TXNRD1: variants seen among roughly 807,000 people sequenced by gnomAD.
The protein encoded by TXNRD1 is thioredoxin reductase 1.
In TXNRD1, 57 loss-of-function variants were observed where a neutral mutation model predicts 80.3. That is an observed-to-expected ratio of 0.71 (90% confidence interval 0.57 to 0.89). The LOEUF (loss-of-function observed/expected upper bound fraction) is 0.89, where lower values mean the gene tolerates loss of function less well. Among genes scored for constraint, TXNRD1 ranks in the 40% least tolerant of loss-of-function variants. TXNRD1 has a pLI of 0.00. For missense variants in TXNRD1, 730 were observed against 803.0 expected (o/e 0.91, Z 1.10); for synonymous variants, 291 against 285.2 (o/e 1.02, Z -0.20).
intron 4 of TXNRD1, among the ~76,000 whole-genome samples, chr12:104,289,987 T>C (rs2034122128): frequency 6.6e-6 from 1 of 152,226 alleles, no homozygotes; most frequent in Non-Finnish European, 1.5e-5. Flanking sequence ...ACCTGGGTGA[T>C]GTTCTATCTC....
At chr12:104,304,387 G>A in intron 4 of TXNRD1, 2 of 1,614,020 alleles carry the variant, frequency 1.2e-6, no homozygotes, top group Non-Finnish European at 1.7e-6. Flanking sequence ...TTTCCTTCTG[G>A]AAGGCAATAG....
intron 3 of TXNRD1, chr12:104,280,531 G>A (rs901572064): frequency 6.6e-6 from 1 of 152,178 alleles, no homozygotes; most frequent in Admixed American, 6.5e-5. Flanking sequence ...TGGAGTGACA[G>A]TTAATTTTAT....
intron 16 of TXNRD1, among the ~76,000 whole-genome samples, chr12:104,348,141 A>T (rs1318066588): frequency 6.6e-6 from 1 of 151,850 alleles, no homozygotes; most frequent in Admixed American, 6.6e-5. Flanking sequence ...TATAACCTAA[A>T]TTTTTTTTCT....
intron 1 of TXNRD1, among the ~76,000 whole-genome samples, chr12:104,216,748 T>C (rs2032223861): frequency 6.6e-6 from 1 of 152,266 alleles, no homozygotes; most frequent in Non-Finnish European, 1.5e-5. Flanking sequence ...TCAAAAGCCC[T>C]GGTCATAGTC....
chr12:104,306,724 C>T (rs1050912195), intron 4 of TXNRD1, among the ~76,000 whole-genome samples: 3 of 152,204 alleles, frequency 2.0e-5, no homozygotes, highest in Admixed American at 1.3e-4. Context: ...TGAAAGAGCG[C>T]TGACCCTTGC....
chr12:104,308,209 A>T (rs1227913783), intron 4 of TXNRD1, among the ~76,000 whole-genome samples: 5 of 151,972 alleles, frequency 3.3e-5, no homozygotes, highest in African/African-American at 1.2e-4. Flanking sequence ...GTTAGCCAGG[A>T]TGGTCTCGAT....
intron 4 of TXNRD1, chr12:104,303,751 C>T (rs1027744568): frequency 1.7e-5 from 17 of 1,029,792 alleles, no homozygotes; most frequent in East Asian, 8.7e-5. Context: ...GGGCGGGCGT[C>T]CTCGGCTCTA....
intron 4 of TXNRD1, among the ~76,000 whole-genome samples, chr12:104,298,995 T>C (rs533298303): frequency 6.6e-6 from 1 of 152,302 alleles, no homozygotes; most frequent in African/African-American, 2.4e-5. Flanking sequence ...CCCAAATTCA[T>C]ACATACTCAA....
rs1396420040 is a variant in TXNRD1 at position 104,331,623 on chromosome 12, T to A, written c.1632T>A (p.Phe544Leu). The A allele has an allele frequency of 6.2e-7, 1 of 1,611,636 alleles. No homozygotes were observed. The highest frequency in any genetic ancestry group is 2.2e-5 in the East Asian group (1 of 44,774). The change falls in exon 14 of 17, where the codon TTT (phenylalanine) becomes TTA (leucine). Residue 544 changes from phenylalanine (F) to leucine (L), a missense_variant. Phe to Leu is a conservative substitution (Grantham distance 22). Transcript: ENST00000525566. Reference protein sequence around the residue: ...GLSEEKAVEKFGEENIEVYHS... With the variant: ...GLSEEKAVEKLGEENIEVYHS... ...CTGAGGAGAAAGCTGTGGAGAAGTT[T>A]GGGGAAGAAAATATTGAGGTAAGTT...
chr12:104,304,881 A>G, intron 4 of TXNRD1: 1 of 1,612,046 alleles, frequency 6.2e-7, no homozygotes, highest in Non-Finnish European at 8.5e-7. Context: ...GAGTGGAAAA[A>G]CATTGTGGCA....
At position 104,313,255 on chromosome 12, in the gene TXNRD1, A is replaced by G; in HGVS notation, c.548A>G (p.Gln183Arg). Residue 183 changes from glutamine to arginine, a missense_variant, in exon 6 of 17, where the codon CAA (glutamine) becomes CGA (arginine). Gln to Arg is a conservative substitution (Grantham distance 43). Coordinates refer to ENST00000525566, the MANE Select transcript of TXNRD1 (RefSeq NM_001093771.3). ...AATTTTATTTTCCAGGAGGCAGCCC[A>G]ATATGGCAAGAAGGTGATGGTCCTG... ...GGLAAAKEAAQYGKKVMVLDF... is the reference protein window; with the variant it reads ...GGLAAAKEAARYGKKVMVLDF... The G allele has an allele frequency of 6.3e-7, 1 of 1,585,816 alleles. No homozygotes were observed.
At chr12:104,296,856 C>T (rs373866226) in intron 4 of TXNRD1, among the ~76,000 whole-genome samples, 8 of 152,308 alleles carry the variant, frequency 5.3e-5, no homozygotes, top group African/African-American at 1.2e-4. Context: ...TGTCTGCCTT[C>T]AGCATTCTAT....
chr12:104,325,572 A>G (rs1343025381), intron 11 of TXNRD1, 143 bp downstream of exon 11: 30 of 666,010 alleles, frequency 4.5e-5, no homozygotes, highest in Non-Finnish European at 1.0e-5. Flanking sequence ...ATAACTTATG[A>G]TATTAAAATT....
chr12:104,277,067 G>A (rs1207306586), intron 3 of TXNRD1, among the ~76,000 whole-genome samples: 1 of 151,994 alleles, frequency 6.6e-6, no homozygotes, highest in African/African-American at 2.4e-5. Context: ...GGGCAACAAA[G>A]CGAGACCCTG....
At chr12:104,268,183 T>C (rs1223720381) in intron 3 of TXNRD1, among the ~76,000 whole-genome samples, 2 of 130,250 alleles carry the variant, frequency 1.5e-5, no homozygotes, top group African/African-American at 5.7e-5. Context: ...GTCTCTCTCT[T>C]TCTTTCTTTT....
intron 1 of TXNRD1, among the ~76,000 whole-genome samples, chr12:104,223,853 A>G (rs886804437): frequency 6.6e-6 from 1 of 152,214 alleles, no homozygotes; most frequent in Non-Finnish European, 1.5e-5. Context: ...AGACTTGCTA[A>G]GGAGTGCTAA....
intron 6 of TXNRD1, among the ~76,000 whole-genome samples, chr12:104,314,123 AGGT>A (rs2035232886): frequency 1.3e-5 from 2 of 152,132 alleles, no homozygotes; most frequent in Admixed American, 1.3e-4. Context: ...TGGGAGCTGG[AGGT>A]GGTAGTGTGA....
chr12:104,321,039 A>G, intron 9 of TXNRD1, 52 bp from the exon 10 acceptor site: 1 of 1,259,016 alleles, frequency 7.9e-7, no homozygotes, highest in Non-Finnish European at 1.1e-6. Context: ...GTAATTATTT[A>G]TATAGGAACT....
intron 1 of TXNRD1, among the ~76,000 whole-genome samples, chr12:104,232,329 G>A (rs774870736): frequency 2.2e-4 from 33 of 152,148 alleles, no homozygotes; most frequent in Non-Finnish European, 4.3e-4. Context: ...TTGGGAGGCC[G>A]AGGTGGGCAG....
Sources: gnomAD v4.1 joint callset for allele counts (sites outside exome capture counted in the v4.1 genomes callset) on GRCh38, gnomAD v4.1.1 for gene constraint, MANE v1.5 for transcripts, NCBI Gene and HGNC (gene_info 2026-07-23, HGNC 2026-07-21) for gene names.